The following PAK3 variants were observed in gnomAD, a reference collection of about 807,000 sequenced individuals.
PAK3 encodes serine/threonine-protein kinase PAK 3.
PAK3 carries 4 observed loss-of-function variants against 41.0 expected under a neutral mutation model. The observed-to-expected ratio is 0.10, with a 90% CI of 0.05 to 0.22. The LOEUF is 0.22. PAK3 is among the 10% of genes least tolerant of loss of function. The pLI, the probability that PAK3 is intolerant of heterozygous loss-of-function variation, is 1.00. For synonymous variants in PAK3, 146 were observed against 139.6 expected, an observed-to-expected ratio of 1.05 and a Z score of -0.32; for missense variants, 205 against 409.9, an observed-to-expected ratio of 0.50 and a Z score of 4.32.
At chrX:111,026,180 C>T (rs1273940617) in intron 1 of PAK3, among the ~76,000 whole-genome samples, 1 of 111,750 alleles carries the variant, frequency 8.9e-6, no homozygotes, top group East Asian at 2.8e-4. Context: ...CCATCTACAA[C>T]AAACACATAG....
Position 111,178,959 on chromosome X carries a change from TTA to T in PAK3, c.830+5899_830+5900del, listed in dbSNP as rs1166414505. Among the ~76,000 whole-genome samples, 258 of 98,646 alleles carry T rather than the reference TTA, an allele frequency of 2.6e-3. 2 individuals carry two copies. The highest frequency in any genetic ancestry group is 8.3e-3 in the African/African-American group (208 of 25,017). 85.7% of individuals were successfully genotyped at this position (98,646 alleles called of 115,157 possible). On this transcript the variant is annotated intron_variant, in intron 11 of 17. Coordinates refer to ENST00000372007, the MANE Select transcript of PAK3 (RefSeq NM_002578.5). ...GATGCACCTGCATACATAAACTGTT[TTA>T]TATATATATATATATATATAGAGAG...
upstream of PAK3, among the ~76,000 whole-genome samples, chrX:111,091,220 T>C (rs2092926753): frequency 9.0e-6 from 1 of 111,333 alleles, no homozygotes; most frequent in Non-Finnish European, 1.9e-5. Flanking sequence ...AGCTCGTAGG[T>C]TCTACAGGGC....
intron 1 of PAK3, among the ~76,000 whole-genome samples, chrX:111,085,184 C>T (rs768220614): frequency 1.8e-5 from 2 of 111,319 alleles, no homozygotes; most frequent in Admixed American, 9.6e-5. Context: ...TAAAGTAATA[C>T]GTCATAGCCA....
At chrX:111,108,713 G>T (rs1431795081) in intron 4 of PAK3, among the ~76,000 whole-genome samples, 2 of 112,240 alleles carry the variant, frequency 1.8e-5, no homozygotes, top group East Asian at 2.8e-4. Context: ...GCCAAAAAAG[G>T]TTGAGGACTG....
chrX:111,181,759 A>G (rs1164556825), intron 11 of PAK3, among the ~76,000 whole-genome samples: 1 of 104,137 alleles, frequency 9.6e-6, no homozygotes, highest in Non-Finnish European at 2.0e-5. Context: ...TTGGTTGTTC[A>G]GGAAACTATG....
intron 1 of PAK3, among the ~76,000 whole-genome samples, chrX:111,024,949 C>T (rs1019902817): frequency 9.0e-5 from 10 of 111,375 alleles, no homozygotes; most frequent in African/African-American, 3.3e-4. Flanking sequence ...ATCAAGTACT[C>T]TCTTAAACCA....
At chrX:111,163,300 G>C (rs2094213013) in intron 9 of PAK3, among the ~76,000 whole-genome samples, 1 of 111,397 alleles carries the variant, frequency 9.0e-6, no homozygotes, top group African/African-American at 3.3e-5. Flanking sequence ...GTTAAGGTAA[G>C]GAAGGAAATC....
rs149631121 is a variant in PAK3 at position 111,009,270 on chromosome X, C to T, written c.-28+64642C>T. On this transcript the variant is annotated intron_variant, in intron 1 of 14. Coordinates refer to the PAK3 transcript ENST00000425146. ...TTCCTCATTTTTTCAATTGTACTCTCTCTCTCCACTCTCCTGCTCTTTGGG... is the reference window on the plus strand; with the variant it reads ...TTCCTCATTTTTTCAATTGTACTCTTTCTCTCCACTCTCCTGCTCTTTGGG... Among the ~76,000 whole-genome samples, 7 of 111,455 alleles carry T rather than the reference C, an allele frequency of 6.3e-5. No individual in the cohort carries two copies. The East Asian group carries it at 2.0e-3, about 32-fold the overall frequency.
intron 1 of PAK3, among the ~76,000 whole-genome samples, chrX:111,068,329 T>C (rs1416598290): frequency 8.9e-6 from 1 of 112,353 alleles, no homozygotes; most frequent in Non-Finnish European, 1.9e-5. Context: ...AGACAGAGTC[T>C]GGCTCTGTTG....
chrX:111,126,528 C>T (rs1029895144), intron 5 of PAK3, among the ~76,000 whole-genome samples: 1 of 111,093 alleles, frequency 9.0e-6, no homozygotes, highest in African/African-American at 3.3e-5. Flanking sequence ...GTTCTTGAGA[C>T]CTGGGTTCAT....
intron 11 of PAK3, among the ~76,000 whole-genome samples, chrX:111,181,734 A>ATTT (rs755826208): frequency 1.0e-5 from 1 of 95,967 alleles, no homozygotes; most frequent in African/African-American, 3.8e-5. Flanking sequence ...AAAACCTCTG[A>ATTT]TTTTTTTTTT....
At chrX:110,966,228 C>A (rs2091078868) in intron 1 of PAK3, among the ~76,000 whole-genome samples, 2 of 111,655 alleles carry the variant, frequency 1.8e-5, no homozygotes, top group Admixed American at 1.9e-4. Flanking sequence ...CAGTTCCATT[C>A]ATTCATACAC....
chrX:111,143,961 T>C (rs1454872234), intron 6 of PAK3, among the ~76,000 whole-genome samples: 3 of 111,717 alleles, frequency 2.7e-5, no homozygotes, highest in African/African-American at 6.5e-5. Context: ...TTCTAGTTGC[T>C]CTCCAATATT....
At chrX:111,064,017 A>T (rs1285836313) in intron 1 of PAK3, among the ~76,000 whole-genome samples, 1 of 111,366 alleles carries the variant, frequency 9.0e-6, no homozygotes, top group Non-Finnish European at 1.9e-5. Context: ...TAGCAAGAGG[A>T]ACAGAACAAT....
chrX:110,952,596 G>T (rs1376942721), intron 1 of PAK3, among the ~76,000 whole-genome samples: 1 of 110,405 alleles, frequency 9.1e-6, no homozygotes. Context: ...ACTTTATCTA[G>T]TGTGGTACTG....
intron 1 of PAK3, among the ~76,000 whole-genome samples, chrX:111,087,752 CAA>C (rs762062209): frequency 7.1e-4 from 49 of 69,414 alleles, no homozygotes; most frequent in South Asian, 1.6e-3. Flanking sequence ...ACAGGGACTG[CAA>C]AAAAAAAAAA....
At chrX:111,149,419 C>A (rs1300072475) in intron 7 of PAK3, among the ~76,000 whole-genome samples, 2 of 112,305 alleles carry the variant, frequency 1.8e-5, no homozygotes, top group African/African-American at 6.5e-5. Context: ...TGTGTGTGGG[C>A]TCTGAGCCCA....
In PAK3 at chrX:111,224,177, A is replaced by G. The variant is rs944847443; in HGVS notation, c.*3730A>G. ...ATGGCACACGCTTTCTTAGGAGACT[A>G]TTATCTATAAGTTAAAGCTAGGGAG... On this transcript the variant is annotated 3_prime_UTR_variant, in exon 18 of 18. Coordinates refer to ENST00000372007, the MANE Select transcript of PAK3 (RefSeq NM_002578.5). 2 of 111,359 alleles carry G rather than the reference A, an allele frequency of 1.8e-5. No homozygotes were observed. Among genetic ancestry groups the G allele is most frequent in the Admixed American group, 1.9e-4 (2 of 10,466 alleles). 9.2% of individuals were successfully genotyped at this position (111,359 alleles called of 1,213,427 possible).
intron 1 of PAK3, among the ~76,000 whole-genome samples, chrX:110,977,231 A>G (rs889277178): frequency 1.2e-4 from 13 of 110,156 alleles, no homozygotes; most frequent in African/African-American, 4.3e-4. Flanking sequence ...TATAAGATAT[A>G]TATGTATAAG....
Sources: allele counts gnomAD v4.1 joint callset (sites outside exome capture counted in the v4.1 genomes callset), GRCh38; gene constraint gnomAD v4.1.1; transcripts MANE v1.5; gene names NCBI Gene and HGNC (gene_info 2026-07-23, HGNC 2026-07-21).